Variants in NTN4 observed in about 807,000 individuals in gnomAD.
NTN4 encodes netrin-4.
Under a neutral mutation model 73.6 loss-of-function variants are expected in NTN4, and 32 were observed. That is an observed-to-expected ratio of 0.44 (90% confidence interval 0.33 to 0.58). NTN4 has a LOEUF of 0.58. NTN4 is among the 20% of genes least tolerant of loss of function. The pLI is 0.04. For synonymous variants in NTN4, 258 were observed against 287.5 expected (o/e 0.90, Z 1.04); for missense variants, 654 against 798.3 (o/e 0.82, Z 2.18).
chr12:95,763,461 C>G (rs1040658557), intron 2 of NTN4, among the ~76,000 whole-genome samples: 2 of 152,178 alleles, frequency 1.3e-5, no homozygotes, highest in African/African-American at 4.8e-5. Flanking sequence ...TAGAGCTATA[C>G]AAAACAAGTC....
intron 5 of NTN4, among the ~76,000 whole-genome samples, chr12:95,700,080 A>ATTTTTTTTGTTTTTTTTTTT (rs2078471958): frequency 2.4e-5 from 1 of 41,786 alleles, no homozygotes; most frequent in Non-Finnish European, 4.3e-5. Context: ...TAAAGTGAGG[A>ATTTTTTTTGTTTTTTTTTTT]TTTTTTTTTT....
At chr12:95,737,482 G>A (rs929188751) in intron 3 of NTN4, among the ~76,000 whole-genome samples, 1 of 152,140 alleles carries the variant, frequency 6.6e-6, no homozygotes. Context: ...GCATAAAATC[G>A]AGGTTCTTAT....
In NTN4 at chr12:95,704,592, G is replaced by A. The variant is rs77376363; in HGVS notation, c.1180+5849C>T. On this transcript the variant is annotated intron_variant, in intron 5 of 9. Transcript: ENST00000343702. The stretch of plus-strand genomic sequence containing the variant: ...TATGAAAATATTACTAAAGAGTAAT[G>A]AAAATGCTCTCAAACATACTCCTAA... Among the ~76,000 whole-genome samples the A allele has an allele frequency of 9.1e-3, 1,381 of 152,314 alleles. 7 individuals carry two copies. Among genetic ancestry groups the A allele is most frequent in the Middle Eastern group, 0.041 (12 of 294 alleles).
intron 2 of NTN4, among the ~76,000 whole-genome samples, chr12:95,762,766 T>C (rs1407077415): frequency 6.6e-6 from 1 of 152,178 alleles, no homozygotes; most frequent in Non-Finnish European, 1.5e-5. Flanking sequence ...GAGCTGAAAG[T>C]ACAGAATTTT....
intron 3 of NTN4, among the ~76,000 whole-genome samples, chr12:95,731,067 CAA>C (rs904544068): frequency 2.0e-5 from 3 of 152,120 alleles, no homozygotes; most frequent in Non-Finnish European, 4.4e-5. Context: ...GTAGAATATC[CAA>C]AGTTTTTGCT....
At chr12:95,672,267 C>A in intron 7 of NTN4, 1 of 717,540 alleles carries the variant, frequency 1.4e-6, no homozygotes, top group Admixed American at 1.9e-5. Context: ...ATTCTAGAAT[C>A]TGAACCCCAG....
chr12:95,676,071 T>C (rs890830614), intron 7 of NTN4, among the ~76,000 whole-genome samples: 3 of 152,174 alleles, frequency 2.0e-5, no homozygotes, highest in African/African-American at 4.8e-5. Context: ...ACAATGAAAT[T>C]AGATTAGAGA....
intron 2 of NTN4, 146 bp downstream of exon 2, chr12:95,786,793 G>C: frequency 1.4e-6 from 1 of 700,034 alleles, no homozygotes; most frequent in Non-Finnish European, 2.3e-6. Flanking sequence ...GTAAGGGTAA[G>C]AAATAATTTA....
intron 3 of NTN4, among the ~76,000 whole-genome samples, chr12:95,725,278 T>G (rs1418651927): frequency 1.3e-5 from 2 of 152,054 alleles, no homozygotes; most frequent in East Asian, 3.9e-4. Context: ...ATCTGTCAAG[T>G]AGTGTTTGAG....
chr12:95,698,671 G>C (rs999836979), intron 5 of NTN4, among the ~76,000 whole-genome samples: 7 of 152,038 alleles, frequency 4.6e-5, no homozygotes, highest in African/African-American at 1.7e-4. Context: ...GGAACATAGT[G>C]AGACCCTGTC....
intron 2 of NTN4, among the ~76,000 whole-genome samples, chr12:95,767,705 T>C (rs1213183014): frequency 6.6e-6 from 1 of 152,158 alleles, no homozygotes; most frequent in Admixed American, 6.5e-5. Context: ...ATTTCCCATA[T>C]TGATGAAAAA....
At chr12:95,687,631 C>T (rs541763818) in intron 5 of NTN4, among the ~76,000 whole-genome samples, 9 of 152,082 alleles carry the variant, frequency 5.9e-5, no homozygotes, top group South Asian at 4.2e-4. Context: ...GAACTCCTGA[C>T]GTCAAGTGAT....
At chr12:95,674,609 G>A (rs2078259075) in intron 7 of NTN4, among the ~76,000 whole-genome samples, 1 of 152,162 alleles carries the variant, frequency 6.6e-6, no homozygotes, top group Non-Finnish European at 1.5e-5. Context: ...ATAAGAAGTG[G>A]TAGAAATTAA....
Position 95,787,117 on chromosome 12 carries a change from G to A in NTN4, c.407C>T (p.Ser136Phe). The A allele has an allele frequency of 6.2e-7, 1 of 1,614,224 alleles. No individual in the cohort carries two copies. Among genetic ancestry groups the A allele is most frequent in the Non-Finnish European group, 8.5e-7 (1 of 1,180,046 alleles). Reference protein sequence around the residue: ...YFTHLIVMFKSPRPAAMVLDR... With the variant: ...YFTHLIVMFKFPRPAAMVLDR... ...CAGCACCATGGCAGCCGGCCTGGGG[G>A]ACTTGAACATCACAATTAGGTGAGT... Residue 136 changes from serine to phenylalanine, a missense_variant, in exon 2 of 10, where the codon TCC becomes TTC. Physicochemically the swap from Ser to Phe is radical, Grantham distance 155 (BLOSUM62 -2). Transcript: ENST00000343702.
chr12:95,758,952 A>G (rs138489956), intron 2 of NTN4, among the ~76,000 whole-genome samples: 1 of 152,340 alleles, frequency 6.6e-6, no homozygotes, highest in African/African-American at 2.4e-5. Context: ...CCTAAACTCA[A>G]GGTCATAAAT....
Position 95,715,436 on chromosome 12 carries a change from T to C in NTN4, c.865-2098A>G, listed in dbSNP as rs150146094. Among the ~76,000 whole-genome samples, 1,044 of 152,316 alleles carry C rather than the reference T, an allele frequency of 6.9e-3. 3 individuals are homozygous for C. The highest frequency in any genetic ancestry group is 0.01 in the Non-Finnish European group (690 of 68,024). ...CTTTATAGAAATGCAACTAATACTATAGATTCAATTCACTGGTTTTGGTCT... is the reference window on the plus strand; with the variant it reads ...CTTTATAGAAATGCAACTAATACTACAGATTCAATTCACTGGTTTTGGTCT... On this transcript the variant is annotated intron_variant, in intron 3 of 9. Coordinates refer to ENST00000343702, the MANE Select transcript of NTN4 (RefSeq NM_021229.4).
chr12:95,787,456 A>C lies in NTN4; in HGVS notation c.68T>G (p.Val23Gly), dbSNP rs757756420. 3 of 1,613,580 alleles carry C rather than the reference A, an allele frequency of 1.9e-6. No individual in the cohort carries two copies. The East Asian group carries it at 6.7e-5, about 36-fold the overall frequency. ...TTCACAGCGGGAACTCACTCCAGCT[A>C]CTCCACTCAGTCCTAAGAAAGGGAA... Reference protein sequence around the residue: ...CTVVAAGLSGVAGVSSRCEKA... With the variant: ...CTVVAAGLSGGAGVSSRCEKA... The change falls in exon 2 of 10, where the codon GTA becomes GGA. Residue 23 changes from valine to glycine, a missense_variant. Coordinates refer to ENST00000343702, the MANE Select transcript of NTN4 (RefSeq NM_021229.4).
chr12:95,790,065 T>G lies in NTN4; in HGVS notation c.55+190A>C. On this transcript the variant is annotated intron_variant, in intron 1 of 9. Transcript: ENST00000343702. This position sits in a 1 kb window ranked among gnomAD's most constrained non-coding sequence, Gnocchi z 6.5. The stretch of plus-strand genomic sequence containing the variant: ...TATCCAAGCGCATGTGTATCCCAGT[T>G]GTAAAAATAAATCAATAGTATTTGA... 1 of 480,470 alleles carries G rather than the reference T, an allele frequency of 2.1e-6. No individual in the cohort carries two copies. Among genetic ancestry groups the G allele is most frequent in the East Asian group, 3.5e-5 (1 of 28,184 alleles). The allele number at this position is 480,470 out of a possible 1,614,324, so 29.8% of individuals were successfully genotyped here.
chr12:95,773,730 A>AT (rs920232728), intron 2 of NTN4, among the ~76,000 whole-genome samples: 8 of 150,252 alleles, frequency 5.3e-5, no homozygotes, highest in South Asian at 2.1e-4. Flanking sequence ...TCTCTGCTTT[A>AT]TTTTTTTTTC....
Sources: gnomAD v4.1 joint callset for allele counts (sites outside exome capture counted in the v4.1 genomes callset) on GRCh38, gnomAD v4.1.1 for gene constraint, Gnocchi (gnomAD v3.1) non-coding constraint, MANE v1.5 for transcripts, NCBI Gene and HGNC (gene_info 2026-07-23, HGNC 2026-07-21) for gene names.